Variants in RBFOX1 observed in about 807,000 individuals in gnomAD.
RBFOX1 encodes the protein RNA binding protein fox-1 homolog 1.
In RBFOX1, 8 loss-of-function variants were observed where a neutral mutation model predicts 57.7. The ratio of observed to expected loss-of-function variants is 0.14; its 90% CI spans 0.08 to 0.25. The LOEUF is 0.25. RBFOX1 is among the 10% of genes least tolerant of loss of function. RBFOX1 has a pLI of 1.00. For missense variants in RBFOX1, 611 were observed against 548.5 expected, an observed-to-expected ratio of 1.11 and a Z score of -1.14; for synonymous variants, 326 against 222.4, an observed-to-expected ratio of 1.47 and a Z score of -4.15.
chr16:6,069,104 A>G (rs955986180), intron 1 of RBFOX1, among the ~76,000 whole-genome samples: 1 of 152,138 alleles, frequency 6.6e-6, no homozygotes, highest in African/African-American at 2.4e-5. Context: ...AGGGAAGAGA[A>G]AAAGAAGGGA....
intron 4 of RBFOX1, among the ~76,000 whole-genome samples, chr16:7,160,559 A>G (rs189073206): frequency 3.9e-5 from 6 of 152,182 alleles, no homozygotes; most frequent in Admixed American, 6.5e-5. Context: ...TGTTGATTCA[A>G]TGAAGATTAC....
chr16:6,813,364 C>T (rs899179202), intron 3 of RBFOX1, among the ~76,000 whole-genome samples: 1 of 152,168 alleles, frequency 6.6e-6, no homozygotes, highest in Non-Finnish European at 1.5e-5. Flanking sequence ...GAAGCTGCTG[C>T]TTGTTGCAAT....
chr16:6,595,933 G>C (rs369613422), intron 2 of RBFOX1, among the ~76,000 whole-genome samples: 1 of 151,912 alleles, frequency 6.6e-6, no homozygotes, highest in South Asian at 2.1e-4. Context: ...AAGTTTTATT[G>C]TTGGAAACTT....
At chr16:6,959,490 C>CT (rs1451363823) in intron 3 of RBFOX1, among the ~76,000 whole-genome samples, 1 of 151,712 alleles carries the variant, frequency 6.6e-6, no homozygotes, top group Non-Finnish European at 1.5e-5. Flanking sequence ...AAGGGAGTAT[C>CT]TTTTTTTATT....
At chr16:7,002,378 G>T (rs1265385690) in intron 3 of RBFOX1, among the ~76,000 whole-genome samples, 1 of 152,162 alleles carries the variant, frequency 6.6e-6, no homozygotes, top group Non-Finnish European at 1.5e-5. Flanking sequence ...TGATATGAAG[G>T]TTTTCTGTTT....
At chr16:6,845,992 T>C (rs1002834974) in intron 3 of RBFOX1, among the ~76,000 whole-genome samples, 3 of 152,222 alleles carry the variant, frequency 2.0e-5, no homozygotes, top group Non-Finnish European at 4.4e-5. Flanking sequence ...CATCAATGCA[T>C]CTCTGTAAAA....
chr16:5,785,029 T>A (rs895744903), intron 3 of RBFOX1, among the ~76,000 whole-genome samples: 1 of 152,236 alleles, frequency 6.6e-6, no homozygotes, highest in Non-Finnish European at 1.5e-5. Context: ...AAATGAGCTC[T>A]TTTGTGTCAA....
intron 3 of RBFOX1, among the ~76,000 whole-genome samples, chr16:5,861,447 C>T (rs895819675): frequency 2.6e-5 from 4 of 152,272 alleles, no homozygotes; most frequent in East Asian, 1.9e-4. Context: ...ACATCTTAAG[C>T]GTAGCAGAGC....
At chr16:6,137,246 A>G (rs1467637532) in intron 1 of RBFOX1, among the ~76,000 whole-genome samples, 2 of 152,160 alleles carry the variant, frequency 1.3e-5, no homozygotes, top group Non-Finnish European at 2.9e-5. Flanking sequence ...TTGAATTCCT[A>G]CTATGTGCCA....
chr16:7,411,764 GT>G (rs1234229561), intron 4 of RBFOX1, among the ~76,000 whole-genome samples: 1 of 152,082 alleles, frequency 6.6e-6, no homozygotes, highest in Admixed American at 6.6e-5. Flanking sequence ...TTAGCTGGGC[GT>G]GGTGGCGCAT....
chr16:6,349,791 C>T (rs1403519996), intron 2 of RBFOX1, among the ~76,000 whole-genome samples: 3 of 152,078 alleles, frequency 2.0e-5, no homozygotes, highest in Non-Finnish European at 4.4e-5. Context: ...CCATTTTTCC[C>T]CATGGTTTTC....
At chr16:5,251,972 T>C (rs562595280) in intron 1 of RBFOX1, among the ~76,000 whole-genome samples, 6 of 151,730 alleles carry the variant, frequency 4.0e-5, no homozygotes, top group African/African-American at 1.2e-4. Flanking sequence ...CTTGCCAAGG[T>C]CTGGGGCTGT....
chr16:6,709,103 C>G (rs893381264), intron 3 of RBFOX1, among the ~76,000 whole-genome samples: 2 of 152,018 alleles, frequency 1.3e-5, no homozygotes, highest in Non-Finnish European at 2.9e-5. Flanking sequence ...AATAATACAG[C>G]TTATGTCATA....
intron 3 of RBFOX1, among the ~76,000 whole-genome samples, chr16:5,697,812 C>G (rs1212966599): frequency 2.0e-5 from 3 of 152,072 alleles, no homozygotes; most frequent in South Asian, 4.1e-4. Flanking sequence ...TATTCTTTTT[C>G]CATCCCTGAC....
chr16:5,917,103 G>C (rs1310762400), intron 4 of RBFOX1, among the ~76,000 whole-genome samples: 1 of 152,064 alleles, frequency 6.6e-6, no homozygotes, highest in Admixed American at 6.6e-5. Flanking sequence ...CTACAGTCTG[G>C]AATTTGTGGG....
intron 3 of RBFOX1, among the ~76,000 whole-genome samples, chr16:6,949,551 C>T (rs1463658406): frequency 6.8e-6 from 1 of 147,704 alleles, no homozygotes; most frequent in Admixed American, 6.9e-5. Context: ...TTACTGATGA[C>T]GATCTTCGGG....
At chr16:5,256,371 G>T (rs1204179287) in intron 1 of RBFOX1, among the ~76,000 whole-genome samples, 1 of 152,148 alleles carries the variant, frequency 6.6e-6, no homozygotes, top group South Asian at 2.1e-4. Context: ...AGTTCGGGGA[G>T]GGGGCTGACA....
chr16:5,543,832 AGT>A, intron 2 of RBFOX1, among the ~76,000 whole-genome samples: 1 of 152,234 alleles, frequency 6.6e-6, no homozygotes, highest in East Asian at 1.9e-4. Flanking sequence ...TAAGGGTGAC[AGT>A]GTATTTTTTG....
At chr16:6,548,492 C>A (rs2096926090) in intron 2 of RBFOX1, among the ~76,000 whole-genome samples, 1 of 152,146 alleles carries the variant, frequency 6.6e-6, no homozygotes, top group Non-Finnish European at 1.5e-5. Context: ...ACACTGATTT[C>A]TTCAGAATTT....
Sources: gnomAD v4.1 joint callset for allele counts (sites outside exome capture counted in the v4.1 genomes callset) on GRCh38, gnomAD v4.1.1 for gene constraint, MANE v1.5 for transcripts, NCBI Gene and HGNC (gene_info 2026-07-23, HGNC 2026-07-21) for gene names.